Variants in SNX29 observed in about 807,000 individuals in gnomAD.
SNX29 encodes the protein sorting nexin 29, also known as sorting nexin-29.
Under a neutral mutation model 102.1 loss-of-function variants are expected in SNX29, and 78 were observed. The observed-to-expected ratio is 0.76, with a 90% confidence interval of 0.64 to 0.92. The LOEUF is 0.92. SNX29 is among the 40% of genes least tolerant of loss of function. The pLI, the probability that SNX29 is intolerant of heterozygous loss-of-function variation, is 0.00. For missense variants in SNX29, 1,280 were observed against 1,061.7 expected, an observed-to-expected ratio of 1.21 and a Z score of -2.86; for synonymous variants, 580 against 414.5, an observed-to-expected ratio of 1.40 and a Z score of -4.85.
chr16:12,545,588 T>G (rs1198419881), intron 20 of SNX29: 1 of 152,248 alleles, frequency 6.6e-6, no homozygotes, highest in Non-Finnish European at 1.5e-5. Flanking sequence ...ACCCATTTCC[T>G]CTGGAATCCA....
chr16:12,532,569 T>C (rs1053817474), intron 20 of SNX29, among the ~76,000 whole-genome samples: 1 of 152,252 alleles, frequency 6.6e-6, no homozygotes, highest in Non-Finnish European at 1.5e-5. Flanking sequence ...GCAGGAATTC[T>C]GACTTCACCA....
chr16:12,008,150 T>A (rs568910466), intron 3 of SNX29, among the ~76,000 whole-genome samples: 8 of 152,312 alleles, frequency 5.3e-5, no homozygotes, highest in African/African-American at 1.9e-4. Flanking sequence ...TTCACCGTGT[T>A]AGCCAGGATA....
intron 14 of SNX29, among the ~76,000 whole-genome samples, chr16:12,276,793 C>A (rs1294889594): frequency 1.3e-5 from 2 of 152,112 alleles, no homozygotes; most frequent in African/African-American, 4.8e-5. Context: ...TTTTTCCCTG[C>A]AGAGTGGGCA....
chr16:11,999,192 T>C, intron 1 of SNX29, 105 bp from the exon 2 acceptor site: 1 of 943,492 alleles, frequency 1.1e-6, no homozygotes, highest in Non-Finnish European at 1.6e-6. Flanking sequence ...TGATACCTAG[T>C]TGTGCTACTG....
chr16:12,070,479 C>T (rs1323310798), intron 10 of SNX29, among the ~76,000 whole-genome samples: 9 of 151,824 alleles, frequency 5.9e-5, no homozygotes, highest in South Asian at 2.1e-4. Context: ...TTTCCAGTTT[C>T]ATCCATGTCC....
At position 12,572,708 on chromosome 16, in the gene SNX29, A is replaced by AG; in HGVS notation, c.*4080dup. 1.9e-6 allele frequency: 2 copies of AG among 1,063,846 alleles called. No individual in the cohort carries two copies. Among genetic ancestry groups the AG allele is most frequent in the Non-Finnish European group, 2.3e-6 (2 of 878,370 alleles). The allele number at this position is 1,063,846 out of a possible 1,614,324, so 65.9% of individuals were successfully genotyped here. A position where few individuals can be genotyped will look rare whatever the true frequency, so the allele number is the denominator to read the frequency against. On this transcript the variant is annotated 3_prime_UTR_variant, in exon 21 of 21. Transcript: ENST00000566228. ...GCCCTGCACTCCAGCAGCATCTTCC[A>AG]GCCTTGGCACAGAACTGATGGCAAA...
chr16:12,514,725 C>T (rs1039458745), intron 19 of SNX29, among the ~76,000 whole-genome samples: 1 of 151,976 alleles, frequency 6.6e-6, no homozygotes, highest in Non-Finnish European at 1.5e-5. Flanking sequence ...ATTAGCTGGG[C>T]GTGGTGGCAT....
rs58638368 is a variant in SNX29, at chr16:12,006,206, AAATAATAATAAT to A, written c.122+3180_122+3191del. 6.4e-3 allele frequency among the ~76,000 whole-genome samples: 933 copies of A among 146,720 alleles called. 15 individuals carry two copies. The highest frequency in any genetic ancestry group is 0.023 in the African/African-American group (911 of 40,082). On this transcript the variant is annotated intron_variant, in intron 3 of 20. Coordinates refer to ENST00000566228, the MANE Select transcript of SNX29 (RefSeq NM_032167.5). ...GCAATAGACAGAGACCCTGTCTCTA[AAATAATAATAAT>A]AATAATAATAATAATAGCCAGGCAT...
chr16:12,172,705 A>G (rs1372877238), intron 13 of SNX29, among the ~76,000 whole-genome samples: 1 of 152,226 alleles, frequency 6.6e-6, no homozygotes, highest in Non-Finnish European at 1.5e-5. Flanking sequence ...TGATAAACGG[A>G]CTTGACTTTT....
At chr16:12,544,554 T>G (rs2077498289) in intron 20 of SNX29, among the ~76,000 whole-genome samples, 1 of 152,224 alleles carries the variant, frequency 6.6e-6, no homozygotes, top group Non-Finnish European at 1.5e-5. Flanking sequence ...TCTGGAATGT[T>G]ACAGTGATGG....
At chr16:12,524,645 C>T in intron 19 of SNX29, 57 bp from the exon 20 acceptor site, 3 of 1,580,598 alleles carry the variant, frequency 1.9e-6, no homozygotes, top group Non-Finnish European at 8.6e-7. Context: ...TCTATAGGGT[C>T]ATTTCTGACC....
At chr16:12,484,508 G>A (rs983755370) in intron 19 of SNX29, among the ~76,000 whole-genome samples, 1 of 152,122 alleles carries the variant, frequency 6.6e-6, no homozygotes, top group Non-Finnish European at 1.5e-5. Context: ...TTACAATGGG[G>A]ACTCGTTACT....
At chr16:12,064,137 T>C (rs2050911161) in intron 9 of SNX29, among the ~76,000 whole-genome samples, 1 of 152,146 alleles carries the variant, frequency 6.6e-6, no homozygotes, top group Non-Finnish European at 1.5e-5. Flanking sequence ...CGTGAGGTGC[T>C]TGCAGTAGGT....
At chr16:12,539,479 C>T (rs1051220872) in intron 20 of SNX29, among the ~76,000 whole-genome samples, 6 of 152,154 alleles carry the variant, frequency 3.9e-5, no homozygotes, top group African/African-American at 4.8e-5. Flanking sequence ...CACGGTTTAT[C>T]TAGTCATAAA....
At chr16:12,540,632 A>G (rs1422241930) in intron 20 of SNX29, among the ~76,000 whole-genome samples, 2 of 152,178 alleles carry the variant, frequency 1.3e-5, no homozygotes, top group African/African-American at 4.8e-5. Flanking sequence ...AGAGTCCAGG[A>G]TCATCTCCCC....
chr16:12,069,252 C>A, intron 10 of SNX29, 120 bp downstream of exon 10: 2 of 794,004 alleles, frequency 2.5e-6, no homozygotes, highest in Non-Finnish European at 3.9e-6. Flanking sequence ...GGGTTTACTT[C>A]ACATTTATGT....
At chr16:12,227,146 G>A (rs1439886758) in intron 14 of SNX29, among the ~76,000 whole-genome samples, 1 of 718 alleles carries the variant, frequency 1.4e-3, no homozygotes, top group Non-Finnish European at 0.018. Flanking sequence ...GGGGTCTGGC[G>A]GATTGGGTGC....
intron 15 of SNX29, among the ~76,000 whole-genome samples, chr16:12,318,216 G>C (rs905857713): frequency 1.3e-5 from 2 of 152,248 alleles, no homozygotes; most frequent in Admixed American, 6.5e-5. Context: ...GCACACCTGG[G>C]AGCCTGCATG....
chr16:12,140,873 T>A (rs1597025571), intron 13 of SNX29, among the ~76,000 whole-genome samples: 1 of 152,218 alleles, frequency 6.6e-6, no homozygotes, highest in African/African-American at 2.4e-5. Context: ...ATAAAAATAT[T>A]TGGTAATGCC....
Sources: gnomAD v4.1 joint callset for allele counts (sites outside exome capture counted in the v4.1 genomes callset) on GRCh38, gnomAD v4.1.1 for gene constraint, MANE v1.5 for transcripts, NCBI Gene and HGNC (gene_info 2026-07-23, HGNC 2026-07-21) for gene names.